CEP290: variants seen among roughly 807,000 people sequenced by gnomAD.
CEP290 encodes the protein centrosomal protein of 290 kDa.
A neutral mutation model predicts 344.9 loss-of-function variants in CEP290; 317 were observed. That is an observed-to-expected ratio of 0.92 (90% CI 0.84 to 1.01). The LOEUF is 1.01. Ranked by LOEUF, CEP290 falls within the 50% of genes least tolerant of loss-of-function variation. CEP290 has a pLI of 0.00. For synonymous variants in CEP290, 932 were observed against 895.8 expected, an observed-to-expected ratio of 1.04 and a Z score of -0.72; for missense variants, 2,754 against 2,761.4, an observed-to-expected ratio of 1.00 and a Z score of 0.06.
At position 88,058,702 on chromosome 12, in the gene CEP290, C is replaced by G. The variant is rs2034212909; in HGVS notation, c.6818+146G>C. ...GAAAAAGTCTCCAACAATACTACAA[C>G]AGAAAAAAAGTATTATGTTAAAACA... On this transcript the variant is annotated intron_variant, in intron 49 of 53. Transcript: ENST00000552810. 1.5e-5 allele frequency: 12 copies of G among 803,944 alleles called. No homozygotes were observed. The Admixed American group carries it at 3.2e-4, about 21-fold the overall frequency. 49.8% of individuals were successfully genotyped at this position (803,944 alleles called of 1,614,324 possible).
chr12:88,060,881 T>C lies in CEP290; in HGVS notation c.6471A>G (p.Ile2157Met). 1.3e-6 allele frequency: 2 copies of C among 1,546,326 alleles called. No individual in the cohort carries two copies. Among genetic ancestry groups the C allele is most frequent in the Non-Finnish European group, 1.7e-6 (2 of 1,146,162 alleles). Reference sequence around the variant, plus strand: ...TATTAGCCATTTTTTCACTAGTCAATATTCCTGATGCTTTTTTCAACTGTT... The same window carrying C: ...TATTAGCCATTTTTTCACTAGTCAACATTCCTGATGCTTTTTTCAACTGTT... Reference protein sequence around the residue: ...ENEQLKKASGILTSEKMANIE... With the variant: ...ENEQLKKASGMLTSEKMANIE... Residue 2157 changes from isoleucine to methionine, a missense_variant, in exon 47 of 54, where the codon ATA becomes ATG. By Grantham distance (10) the Ile-to-Met change is conservative (BLOSUM62 1). Transcript: ENST00000552810.
At chr12:88,108,695 C>T (rs1187401109) in intron 23 of CEP290, among the ~76,000 whole-genome samples, 1 of 152,172 alleles carries the variant, frequency 6.6e-6, no homozygotes, top group Non-Finnish European at 1.5e-5. Context: ...GTGCCACACA[C>T]TAGTCCGAGC....
chr12:88,055,799 A>C, intron 49 of CEP290, 82 bp from the exon 50 acceptor site: 1 of 928,936 alleles, frequency 1.1e-6, no homozygotes, highest in South Asian at 1.8e-5. Flanking sequence ...TAACTGTACT[A>C]AAAATAAGCA....
chr12:88,079,341 A>C, intron 38 of CEP290, 112 bp from the exon 39 acceptor site: 1 of 837,162 alleles, frequency 1.2e-6, no homozygotes, highest in Non-Finnish European at 1.8e-6. Flanking sequence ...TTTTTCTAAA[A>C]TATTATGAGT....
intron 25 of CEP290, among the ~76,000 whole-genome samples, chr12:88,105,764 G>A (rs534907920): frequency 7.9e-5 from 12 of 151,624 alleles, no homozygotes; most frequent in African/African-American, 1.2e-4. Flanking sequence ...AGAGAGACTC[G>A]CTCTGTTATA....
At chr12:88,118,910 T>C (rs748232993) in intron 15 of CEP290, among the ~76,000 whole-genome samples, 167 bp from the exon 16 acceptor site, 2 of 152,232 alleles carry the variant, frequency 1.3e-5, no homozygotes, top group Non-Finnish European at 2.9e-5. Context: ...TAACCCAAGT[T>C]AAAATTTTAT....
intron 17 of CEP290, 105 bp downstream of exon 17, chr12:88,118,378 G>C: frequency 1.2e-6 from 1 of 853,810 alleles, no homozygotes; most frequent in Non-Finnish European, 1.8e-6. Context: ...ATTTGTAGCA[G>C]ATCCACAATA....
At chr12:88,085,820 T>C (rs192320816) in intron 34 of CEP290, among the ~76,000 whole-genome samples, 140 of 152,274 alleles carry the variant, frequency 9.2e-4, no homozygotes, top group African/African-American at 3.1e-3. Flanking sequence ...ATATTCAGTG[T>C]ACCGAAAGGT....
At position 88,077,771 on chromosome 12, in the gene CEP290, TA is replaced by T; in HGVS notation, c.5511del (p.Arg1838GlufsTer13). ...QKKQKAYNKI[L>X]REKEEIDQEN... is the part of the protein sequence containing the mutation. ...TCTTGATCAATTTCCTCTTTCTCTC[TA>T]AGTATTTTATTATAGGCTTTTTGTT... On this transcript the variant is annotated frameshift_variant, in exon 40 of 54. Transcript: ENST00000552810. LOFTEE classifies it high-confidence loss of function. 1 of 1,581,558 alleles carries T rather than the reference TA, an allele frequency of 6.3e-7. No individual in the cohort carries two copies. The highest frequency in any genetic ancestry group is 8.6e-7 in the Non-Finnish European group (1 of 1,163,452).
intron 10 of CEP290, among the ~76,000 whole-genome samples, chr12:88,129,412 A>C (rs1436979644): frequency 1.3e-5 from 2 of 151,870 alleles, no homozygotes; most frequent in African/African-American, 4.8e-5. Context: ...AAATGTTATG[A>C]TCCACAGGAT....
In CEP290 at chr12:88,106,852, T is replaced by G. The variant is rs2137617832; in HGVS notation, c.2640A>C (p.Ala880=). ...AAACAGTAATTTTCCTACTATTTTC[T>G]GCAAGTATTTTTTTCATTTCATCCG... is the stretch of plus-strand genomic sequence containing the variant. ...MDSDEMKKIL[A]ENSRKITVLQ... Residue 880 remains alanine, a synonymous_variant, in exon 25 of 54, where the codon GCA becomes GCC. Coordinates refer to ENST00000552810, the MANE Select transcript of CEP290 (RefSeq NM_025114.4). 1.2e-6 allele frequency: 2 copies of G among 1,608,006 alleles called. No homozygotes were observed. Among genetic ancestry groups the G allele is most frequent in the Non-Finnish European group, 1.7e-6 (2 of 1,176,782 alleles).
chr12:88,086,560 TTTATATATA>T, intron 32 of CEP290, 62 bp from the exon 33 acceptor site: 1 of 1,093,036 alleles, frequency 9.1e-7, no homozygotes, highest in Non-Finnish European at 1.3e-6. Context: ...TAACAGGCAT[TTTATATATA>T]TTTTCTTATC....
chr12:88,140,598 ACTC>A, intron 3 of CEP290, among the ~76,000 whole-genome samples: 1 of 151,672 alleles, frequency 6.6e-6, no homozygotes, highest in East Asian at 1.9e-4. Flanking sequence ...ATCTAACACT[ACTC>A]CTCAGTATTG....
chr12:88,095,302 T>C (rs534337237), intron 27 of CEP290, among the ~76,000 whole-genome samples: 102 of 152,082 alleles, frequency 6.7e-4, no homozygotes, highest in African/African-American at 2.3e-3. Flanking sequence ...AGCCCAACAC[T>C]AACAAATTCC....
At chr12:88,091,221 T>A (rs2037013215) in intron 29 of CEP290, among the ~76,000 whole-genome samples, 1 of 152,156 alleles carries the variant, frequency 6.6e-6, no homozygotes, top group Non-Finnish European at 1.5e-5. Flanking sequence ...TTTATTGTCA[T>A]AATTTGGAAT....
At chr12:88,051,557 T>A (rs1479096998) in intron 52 of CEP290, 1 of 152,190 alleles carries the variant, frequency 6.6e-6, no homozygotes, top group East Asian at 1.9e-4. Flanking sequence ...GATTTAGAAT[T>A]TCCAAAACAG....
At chr12:88,117,012 T>C (rs554455958) in intron 18 of CEP290, 21 bp downstream of exon 18, 3 of 1,122,474 alleles carry the variant, frequency 2.7e-6, no homozygotes, top group African/African-American at 3.2e-5. Flanking sequence ...CTTTACTCTC[T>C]TTGCAATACT....
At chr12:88,090,244 T>C (rs140215349) in intron 30 of CEP290, among the ~76,000 whole-genome samples, 2 of 152,346 alleles carry the variant, frequency 1.3e-5, no homozygotes, top group East Asian at 3.9e-4. Context: ...AATGCTGTAC[T>C]GGATTACTGA....
Position 88,064,011 on chromosome 12 carries a change from T to C in CEP290, c.6240A>G (p.Glu2080=), listed in dbSNP as rs1454338350. Residue 2080 remains glutamate, a synonymous_variant, in exon 45 of 54, where the codon GAA becomes GAG. Coordinates refer to ENST00000552810, the MANE Select transcript of CEP290 (RefSeq NM_025114.4). Reference sequence around the variant, plus strand: ...ATCTTGGCAAATCTTTATTTGCTTGTTCAAGCTGAAATTTCAGTTCAATAT... The same window carrying C: ...ATCTTGGCAAATCTTTATTTGCTTGCTCAAGCTGAAATTTCAGTTCAATAT... ...SENIELKFQL[E]QANKDLPRLK... 6 of 1,599,210 alleles carry C rather than the reference T, an allele frequency of 3.8e-6. No homozygotes were observed. In the South Asian group the frequency reaches 6.9e-5, roughly 18 times the overall value.
Sources: gnomAD v4.1 joint callset for allele counts (sites outside exome capture counted in the v4.1 genomes callset) on GRCh38, gnomAD v4.1.1 for gene constraint, MANE v1.5 for transcripts, NCBI Gene and HGNC (gene_info 2026-07-23, HGNC 2026-07-21) for gene names.